The following ADAMTS20 variants were observed in gnomAD, a reference collection of about 807,000 sequenced individuals.
ADAMTS20 encodes ADAM metallopeptidase with thrombospondin type 1 motif 20, also known as A disintegrin and metalloproteinase with thrombospondin motifs 20.
Under a neutral mutation model 260.1 loss-of-function variants are expected in ADAMTS20, and 225 were observed. The ratio of observed to expected loss-of-function variants is 0.87; its 90% CI spans 0.78 to 0.97. The LOEUF is 0.97. Among genes scored for constraint, ADAMTS20 ranks in the 50% least tolerant of loss-of-function variants. The probability of loss-of-function intolerance (pLI) is 0.00; values close to 1 mark genes in which losing one functional copy is unlikely to be tolerated. For missense variants in ADAMTS20, 2,400 were observed against 2,337.7 expected, an observed-to-expected ratio of 1.03 and a Z score of -0.55; for synonymous variants, 802 against 769.5, an observed-to-expected ratio of 1.04 and a Z score of -0.70.
At chr12:43,406,786 C>T (rs972481350) in intron 28 of ADAMTS20, among the ~76,000 whole-genome samples, 1 of 151,530 alleles carries the variant, frequency 6.6e-6, no homozygotes, top group Non-Finnish European at 1.5e-5. Flanking sequence ...AATGAAGAAA[C>T]CTTTTTTAAA....
intron 11 of ADAMTS20, among the ~76,000 whole-genome samples, chr12:43,460,214 C>A (rs1314479349): frequency 6.6e-6 from 1 of 152,206 alleles, no homozygotes; most frequent in East Asian, 1.9e-4. Context: ...TGCTTTCAAT[C>A]TGCATTGGCT....
chr12:43,443,296 G>C (rs1941700477), intron 16 of ADAMTS20, among the ~76,000 whole-genome samples: 1 of 152,126 alleles, frequency 6.6e-6, no homozygotes, highest in African/African-American at 2.4e-5. Context: ...ATAGCTAACA[G>C]ACAATATACT....
At chr12:43,431,970 C>T (rs2137308609) in intron 21 of ADAMTS20, among the ~76,000 whole-genome samples, 1 of 151,988 alleles carries the variant, frequency 6.6e-6, no homozygotes, top group South Asian at 2.1e-4. Context: ...CTCCACGTCC[C>T]AGACTCAAGC....
At chr12:43,447,618 A>G (rs1941786904) in intron 14 of ADAMTS20, among the ~76,000 whole-genome samples, 1 of 152,138 alleles carries the variant, frequency 6.6e-6, no homozygotes, top group Non-Finnish European at 1.5e-5. Context: ...CCTATTTAAC[A>G]TAGTACTGAA....
intron 3 of ADAMTS20, among the ~76,000 whole-genome samples, chr12:43,518,279 C>T (rs1270010639): frequency 6.6e-6 from 1 of 152,106 alleles, no homozygotes; most frequent in Non-Finnish European, 1.5e-5. Context: ...TTAAGGTCAC[C>T]AATCACCTAC....
chr12:43,444,011 C>A (rs922550721), intron 15 of ADAMTS20, 128 bp from the exon 16 acceptor site: 2 of 664,306 alleles, frequency 3.0e-6, no homozygotes, highest in Non-Finnish European at 5.2e-6. Flanking sequence ...TACAAAATTA[C>A]ACAGTGGTTA....
chr12:43,499,554 T>A (rs1421238804), intron 4 of ADAMTS20, among the ~76,000 whole-genome samples: 1 of 150,932 alleles, frequency 6.6e-6, no homozygotes, highest in Non-Finnish European at 1.5e-5. Context: ...AGTGGCACGA[T>A]CTCGGCTGGG....
intron 7 of ADAMTS20, among the ~76,000 whole-genome samples, chr12:43,478,341 A>T (rs1218470137): frequency 2.0e-5 from 3 of 152,048 alleles, no homozygotes; most frequent in Admixed American, 2.0e-4. Flanking sequence ...AGTAAAATGG[A>T]AATTAGAGCT....
Position 43,551,762 on chromosome 12 carries a change from C to G in ADAMTS20, c.91+69G>C. ...CAACGGGCTGAGCCGCTCGTCCCCGCGACCTGCATGTCCCACTCGGGCCCC... is the reference window on the plus strand; with the variant it reads ...CAACGGGCTGAGCCGCTCGTCCCCGGGACCTGCATGTCCCACTCGGGCCCC... On this transcript the variant is annotated intron_variant, in intron 1 of 38. Transcript: ENST00000389420. The surrounding 1 kb of genome is among the most constrained non-coding windows in gnomAD (Gnocchi z 4.6). 6.6e-7 allele frequency: 1 copy of G among 1,506,800 alleles called. No individual in the cohort carries two copies. The highest frequency in any genetic ancestry group is 1.7e-5 in the Admixed American group (1 of 59,360). The allele number at this position is 1,506,800 out of a possible 1,614,324, so 93.3% of individuals were successfully genotyped here. A position where few individuals can be genotyped will look rare whatever the true frequency, so the allele number is the denominator to read the frequency against.
In ADAMTS20 at chr12:43,527,369, A is replaced by G. The variant is rs78962842; in HGVS notation, c.613+4667T>C. ...AAGTCAGCATCACTCTGATACCAAA[A>G]CCAGGAAATGACATAACAAAAAAAG... is the stretch of plus-strand genomic sequence containing the variant. On this transcript the variant is annotated intron_variant, in intron 3 of 38. Transcript: ENST00000389420. Among the ~76,000 whole-genome samples, 900 of 152,230 alleles carry G rather than the reference A, an allele frequency of 5.9e-3. 9 individuals are homozygous for G. The highest frequency in any genetic ancestry group is 0.021 in the African/African-American group (862 of 41,542).
intron 37 of ADAMTS20, among the ~76,000 whole-genome samples, chr12:43,362,348 C>A (rs893193956): frequency 1.3e-5 from 2 of 152,124 alleles, no homozygotes; most frequent in Non-Finnish European, 2.9e-5. Flanking sequence ...CCTGGGAAGG[C>A]AACTGAATGG....
At chr12:43,484,338 C>G (rs141971686) in intron 7 of ADAMTS20, among the ~76,000 whole-genome samples, 103 of 152,072 alleles carry the variant, frequency 6.8e-4, no homozygotes, top group African/African-American at 2.4e-3. Flanking sequence ...AAAATGAAAT[C>G]TTTGAAATAC....
chr12:43,395,191 G>A (rs1025640491), intron 29 of ADAMTS20, among the ~76,000 whole-genome samples: 6 of 152,114 alleles, frequency 3.9e-5, no homozygotes, highest in Non-Finnish European at 8.8e-5. Flanking sequence ...CTGGAAGCAG[G>A]AGGGCATCCT....
Position 43,468,669 on chromosome 12 carries a change from T to C in ADAMTS20, c.1154A>G (p.Gln385Arg). ...TTTTTCTTCATTAATAAAGCAGCTT[T>C]GTAAAGGATCACATATGGTACCTAA... ...SYLGTICDPL[Q>R]SCFINEEKGL... is the part of the protein sequence containing the mutation. Residue 385 changes from glutamine (Q) to arginine (R), a missense_variant, in exon 8 of 39, where the codon CAA (glutamine) becomes CGA (arginine). Physicochemically the swap from Gln to Arg is conservative, Grantham distance 43. Coordinates refer to ENST00000389420, the MANE Select transcript of ADAMTS20 (RefSeq NM_025003.5). The C allele has an allele frequency of 6.2e-7, 1 of 1,610,360 alleles. No homozygotes were observed. The highest frequency in any genetic ancestry group is 1.1e-5 in the South Asian group (1 of 90,516).
At chr12:43,444,431 C>CCCCCAAA (rs1941724058) in intron 15 of ADAMTS20, among the ~76,000 whole-genome samples, 1 of 152,016 alleles carries the variant, frequency 6.6e-6, no homozygotes, top group African/African-American at 2.4e-5. Context: ...GCAGGAATCT[C>CCCCCAAA]TTCATCTATT....
chr12:43,430,500 A>T (rs1941422019), intron 22 of ADAMTS20, 29 bp from the exon 23 acceptor site: 1 of 1,590,784 alleles, frequency 6.3e-7, no homozygotes, highest in Admixed American at 1.7e-5. Flanking sequence ...TATTAAAAAA[A>T]CATTGTTTCC....
chr12:43,375,936 A>G, intron 35 of ADAMTS20, 121 bp downstream of exon 35: 1 of 731,536 alleles, frequency 1.4e-6, no homozygotes, highest in South Asian at 2.0e-5. Context: ...TAACATGTCT[A>G]CCTGCTCCTA....
chr12:43,501,352 AC>A (rs892751507), intron 4 of ADAMTS20, among the ~76,000 whole-genome samples: 17 of 151,702 alleles, frequency 1.1e-4, no homozygotes, highest in African/African-American at 3.6e-4. Flanking sequence ...GAGCTACCAC[AC>A]CTGGCCAGTA....
At chr12:43,452,470 G>A (rs1362396787) in intron 13 of ADAMTS20, 44 bp downstream of exon 13, 9 of 1,602,536 alleles carry the variant, frequency 5.6e-6, no homozygotes, top group Non-Finnish European at 7.7e-6. Flanking sequence ...GTGTTCTTAC[G>A]TCTCAGAAAA....
Sources: allele counts gnomAD v4.1 joint callset (sites outside exome capture counted in the v4.1 genomes callset), GRCh38; gene constraint gnomAD v4.1.1; non-coding constraint Gnocchi (gnomAD v3.1); transcripts MANE v1.5; gene names NCBI Gene and HGNC (gene_info 2026-07-23, HGNC 2026-07-21).